The following FNTB variants were observed in gnomAD, a reference collection of about 807,000 sequenced individuals.
The protein encoded by FNTB is farnesyltransferase, CAAX box, subunit beta.
FNTB carries 27 observed loss-of-function variants against 59.4 expected under a neutral mutation model. The observed-to-expected ratio is 0.45, with a 90% CI of 0.34 to 0.63. FNTB has a LOEUF of 0.63. Among genes scored for constraint, FNTB ranks in the 20% least tolerant of loss-of-function variants. The pLI is 0.02. For synonymous variants in FNTB, 230 were observed against 220.7 expected, an observed-to-expected ratio of 1.04 and a Z score of -0.37; for missense variants, 449 against 559.6, an observed-to-expected ratio of 0.80 and a Z score of 1.99.
intron 4 of FNTB, chr14:65,022,127 GA>G: frequency 2.2e-6 from 1 of 454,296 alleles, no homozygotes; most frequent in South Asian, 1.6e-5. Context: ...TAGGGAAGGA[GA>G]TTTCCTCTTC....
intron 1 of FNTB, among the ~76,000 whole-genome samples, chr14:64,989,287 A>AG (rs1381855222): frequency 6.7e-6 from 1 of 150,342 alleles, no homozygotes; most frequent in East Asian, 1.9e-4. Flanking sequence ...AAAAAAAAAA[A>AG]AAAAAAAGTA....
chr14:65,058,083 C>T lies in FNTB; in HGVS notation c.1183-3098C>T, dbSNP rs184086944. On this transcript the variant is annotated intron_variant, in intron 11 of 11. Transcript: ENST00000246166. Reference sequence around the variant, plus strand: ...TGGGATTTTTATTGGAATTGCACTACATTTTAGATTAATAGGAGAGAACCA... The same window carrying T: ...TGGGATTTTTATTGGAATTGCACTATATTTTAGATTAATAGGAGAGAACCA... 2.0e-3 allele frequency among the ~76,000 whole-genome samples: 298 copies of T among 151,634 alleles called. 1 individual carries two copies. In the Middle Eastern group the frequency reaches 0.041, roughly 21 times the overall value.
rs943156801 is a variant in FNTB, at chr14:65,032,466, C to G, written c.606-144C>G. On this transcript the variant is annotated intron_variant, in intron 6 of 11. Transcript: ENST00000246166. The surrounding 1 kb of genome is among the most constrained non-coding windows in gnomAD (Gnocchi z 5.0). ...ATGTCACACCTCTCAGTTGGAGACC[C>G]AGGAGGACTGACCGTGTGCCAAGAG... The G allele has an allele frequency of 2.7e-6, 2 of 735,518 alleles. No homozygotes were observed. Among genetic ancestry groups the G allele is most frequent in the South Asian group, 4.2e-5 (2 of 47,216 alleles). The allele number at this position is 735,518 out of a possible 1,614,324, so 45.6% of individuals were successfully genotyped here.
Position 65,023,921 on chromosome 14 carries a change from T to C in FNTB, c.375-3532T>C, listed in dbSNP as rs533670764. On this transcript the variant is annotated intron_variant, in intron 4 of 11. Transcript: ENST00000246166. This position sits in a 1 kb window ranked among gnomAD's most constrained non-coding sequence, Gnocchi z 4.1. ...TTCGAGACCAGCCTGGGCAACACAGTGAAACCCTGACTCTACTAAAAAATA... is the reference window on the plus strand; with the variant it reads ...TTCGAGACCAGCCTGGGCAACACAGCGAAACCCTGACTCTACTAAAAAATA... Among the ~76,000 whole-genome samples, 1 of 152,070 alleles carries C rather than the reference T, an allele frequency of 6.6e-6. No individual in the cohort carries two copies. Among genetic ancestry groups the C allele is most frequent in the Admixed American group, 6.6e-5 (1 of 15,244 alleles).
intron 1 of FNTB, chr14:65,003,705 TTTCAGTAGGTGCC>T (rs1215397020): frequency 6.6e-6 from 1 of 152,208 alleles, no homozygotes; most frequent in Non-Finnish European, 1.5e-5. Context: ...GTTATGCAGA[TTTCAGTAGGTGCC>T]TTCTCCATTG....
intron 8 of FNTB, among the ~76,000 whole-genome samples, chr14:65,041,264 T>A (rs986132143): frequency 6.6e-6 from 1 of 152,214 alleles, no homozygotes; most frequent in Non-Finnish European, 1.5e-5. Context: ...AAGAAGAGCT[T>A]TGCAGCATTT....
At chr14:65,061,062 G>T (rs1658575245) in intron 11 of FNTB, 119 bp from the exon 12 acceptor site, 19 of 1,492,328 alleles carry the variant, frequency 1.3e-5, no homozygotes, top group Admixed American at 2.1e-5. Context: ...TTTGGGCTTT[G>T]TGTGTATCTC....
At chr14:65,059,837 CT>C (rs34459085) in intron 11 of FNTB, among the ~76,000 whole-genome samples, 11,948 of 134,052 alleles carry the variant, frequency 0.089, 474 homozygotes, top group East Asian at 0.25. Context: ...GTCCTTTTTT[CT>C]TTTTTTTTTT....
chr14:65,012,088 A>G lies in FNTB; in HGVS notation c.210-229A>G, dbSNP rs1356314320. The stretch of plus-strand genomic sequence containing the variant: ...GCCTTTAGGAGACAATCGCACTCTA[A>G]ATGTCAGCTGGCATGGTTTTCAGAT... On this transcript the variant is annotated intron_variant, in intron 2 of 11. Coordinates refer to ENST00000246166, the MANE Select transcript of FNTB (RefSeq NM_002028.4). This position sits in a 1 kb window ranked among gnomAD's most constrained non-coding sequence, Gnocchi z 5.0. 8.0e-6 allele frequency: 4 copies of G among 502,006 alleles called. No individual in the cohort carries two copies. The highest frequency in any genetic ancestry group is 3.3e-5 in the Admixed American group (1 of 30,704). The allele number at this position is 502,006 out of a possible 1,614,324, so 31.1% of individuals were successfully genotyped here. A position where few individuals can be genotyped will look rare whatever the true frequency, so the allele number is the denominator to read the frequency against.
At chr14:65,059,077 C>G (rs2062805561) in intron 11 of FNTB, among the ~76,000 whole-genome samples, 1 of 152,082 alleles carries the variant, frequency 6.6e-6, no homozygotes. Flanking sequence ...TGCTGGAGTA[C>G]AGTGCTGTGA....
At chr14:65,005,651 G>C (rs2061576526) in intron 2 of FNTB, among the ~76,000 whole-genome samples, 1 of 150,790 alleles carries the variant, frequency 6.6e-6, no homozygotes, top group Non-Finnish European at 1.5e-5. Flanking sequence ...GCCCTGCCCT[G>C]CCCTGTCTTG....
At chr14:65,019,381 G>A (rs1330243439) in intron 4 of FNTB, among the ~76,000 whole-genome samples, 1 of 151,732 alleles carries the variant, frequency 6.6e-6, no homozygotes, top group Non-Finnish European at 1.5e-5. Flanking sequence ...CAGCTACTCG[G>A]GAGACTGAAG....
In FNTB at chr14:65,054,635, C is replaced by G. The variant is rs201282021; in HGVS notation, c.1128C>G (p.Phe376Leu). The G allele has an allele frequency of 1.1e-5, 18 of 1,613,682 alleles. No homozygotes were observed. ...GCGGCCTGTCCATAGCCCAGCACTT[C>G]GGCAGCGGAGCCATGTTGCATGATG... Reference protein sequence around the residue: ...CLSGLSIAQHFGSGAMLHDVV... With the variant: ...CLSGLSIAQHLGSGAMLHDVV... The change falls in exon 11 of 12, where the codon TTC becomes TTG. Residue 376 changes from phenylalanine (F) to leucine (L), a missense_variant. Coordinates refer to ENST00000246166, the MANE Select transcript of FNTB (RefSeq NM_002028.4). This position sits in a 1 kb window ranked among gnomAD's most constrained non-coding sequence, Gnocchi z 4.4.
In FNTB at chr14:65,047,209, A is replaced by G. The variant is rs998626150; in HGVS notation, c.955+2766A>G. 2.0e-5 allele frequency among the ~76,000 whole-genome samples: 3 copies of G among 152,226 alleles called. No homozygotes were observed. Among genetic ancestry groups the G allele is most frequent in the South Asian group, 4.1e-4 (2 of 4,832 alleles). ...CCAGGGGCTGTACTGAGCATTTCAC[A>G]TATGTTTTCTCATTTAATTCTCAAA... On this transcript the variant is annotated intron_variant, in intron 9 of 11. Coordinates refer to ENST00000246166, the MANE Select transcript of FNTB (RefSeq NM_002028.4). This position sits in a 1 kb window ranked among gnomAD's most constrained non-coding sequence, Gnocchi z 5.2.
intron 9 of FNTB, among the ~76,000 whole-genome samples, chr14:65,049,582 C>A (rs1032130317): frequency 6.6e-6 from 1 of 152,078 alleles, no homozygotes; most frequent in Admixed American, 6.6e-5. Context: ...AGCTTCTATG[C>A]TTTAATAATA....
chr14:65,037,417 T>C (rs2062223435), intron 7 of FNTB, among the ~76,000 whole-genome samples: 8 of 95,710 alleles, frequency 8.4e-5, no homozygotes, highest in Admixed American at 1.2e-4. Flanking sequence ...TTTTTTTTTT[T>C]TTTTTTTTTT....
At chr14:65,055,364 G>C (rs2062710144) in intron 11 of FNTB, among the ~76,000 whole-genome samples, 1 of 152,142 alleles carries the variant, frequency 6.6e-6, no homozygotes, top group African/African-American at 2.4e-5. Context: ...CATGCAGACT[G>C]TCATGAATTT....
intron 2 of FNTB, among the ~76,000 whole-genome samples, chr14:65,005,073 C>T (rs986228181): frequency 6.6e-6 from 1 of 152,218 alleles, no homozygotes; most frequent in Non-Finnish European, 1.5e-5. Flanking sequence ...TTTCTCCATG[C>T]CTACTCCCTG....
chr14:64,989,057 A>G (rs1182699205), intron 1 of FNTB, among the ~76,000 whole-genome samples: 2 of 152,076 alleles, frequency 1.3e-5, no homozygotes, highest in African/African-American at 4.8e-5. Flanking sequence ...AAAAGTAACA[A>G]CCTTGTTAGG....
Sources: gnomAD v4.1 joint callset for allele counts (sites outside exome capture counted in the v4.1 genomes callset) on GRCh38, gnomAD v4.1.1 for gene constraint, Gnocchi (gnomAD v3.1) non-coding constraint, MANE v1.5 for transcripts, NCBI Gene and HGNC (gene_info 2026-07-23, HGNC 2026-07-21) for gene names.